Variants in PPP2R2B observed in about 807,000 individuals in gnomAD.
PPP2R2B encodes protein phosphatase 2 regulatory subunit Bbeta, also known as serine/threonine-protein phosphatase 2A 55 kDa regulatory subunit B beta isoform.
In PPP2R2B, 5 loss-of-function variants were observed where a neutral mutation model predicts 46.0. The observed-to-expected ratio is 0.11, with a 90% CI of 0.06 to 0.23. The LOEUF is 0.23. PPP2R2B is among the 10% of genes least tolerant of loss of function. PPP2R2B has a pLI of 1.00. For missense variants in PPP2R2B, 367 were observed against 575.0 expected, an observed-to-expected ratio of 0.64 and a Z score of 3.70; for synonymous variants, 215 against 206.7, an observed-to-expected ratio of 1.04 and a Z score of -0.34.
intron 1 of PPP2R2B, among the ~76,000 whole-genome samples, chr5:146,966,253 G>A (rs1052866443): frequency 2.0e-5 from 3 of 152,120 alleles, no homozygotes; most frequent in Non-Finnish European, 2.9e-5. Context: ...GGATGAATTG[G>A]TCACATGCAG....
intron 1 of PPP2R2B, among the ~76,000 whole-genome samples, chr5:147,048,589 T>A (rs1005997182): frequency 5.9e-5 from 9 of 152,152 alleles, no homozygotes. Context: ...GATGCCCCAT[T>A]CATTGAATAT....
intron 8 of PPP2R2B, among the ~76,000 whole-genome samples, chr5:146,598,228 T>C (rs1472453396): frequency 6.6e-6 from 1 of 152,208 alleles, no homozygotes; most frequent in Non-Finnish European, 1.5e-5. Flanking sequence ...TCCAAGTTCG[T>C]AGTCTTCTGT....
At chr5:146,632,358 G>A (rs2151071680) in intron 7 of PPP2R2B, among the ~76,000 whole-genome samples, 1 of 152,280 alleles carries the variant, frequency 6.6e-6, no homozygotes, top group Admixed American at 6.5e-5. Context: ...TTCATCTTGG[G>A]CTTCCAGCCT....
intron 2 of PPP2R2B, among the ~76,000 whole-genome samples, chr5:146,824,884 A>G (rs1758476588): frequency 6.6e-6 from 1 of 151,818 alleles, no homozygotes; most frequent in Non-Finnish European, 1.5e-5. Context: ...CACCTGGCTA[A>G]TTTTTTGTGT....
chr5:146,655,635 G>A (rs1204931558), intron 5 of PPP2R2B, among the ~76,000 whole-genome samples: 1 of 152,188 alleles, frequency 6.6e-6, no homozygotes. Flanking sequence ...GAGGCAGGGC[G>A]AGTACTCAGG....
At chr5:146,872,656 A>G (rs186301101) in intron 2 of PPP2R2B, among the ~76,000 whole-genome samples, 25 of 152,296 alleles carry the variant, frequency 1.6e-4, no homozygotes, top group African/African-American at 6.0e-4. Context: ...TGTATTTCAC[A>G]AATCACTCAG....
chr5:146,753,071 A>G (rs911550713), intron 2 of PPP2R2B, among the ~76,000 whole-genome samples: 1 of 152,208 alleles, frequency 6.6e-6, no homozygotes, highest in African/African-American at 2.4e-5. Context: ...TGGCAAAAGC[A>G]GAACTAGTAC....
intron 2 of PPP2R2B, among the ~76,000 whole-genome samples, chr5:146,758,209 G>A (rs1210063972): frequency 6.6e-6 from 1 of 152,128 alleles, no homozygotes; most frequent in Non-Finnish European, 1.5e-5. Context: ...ATTTACAAAT[G>A]ATAGATAACC....
upstream of PPP2R2B, among the ~76,000 whole-genome samples, chr5:147,058,249 A>G (rs991760537): frequency 6.6e-6 from 1 of 152,248 alleles, no homozygotes; most frequent in Non-Finnish European, 1.5e-5. Context: ...GGTCCTTTAC[A>G]GCACAAATGA....
intron 5 of PPP2R2B, among the ~76,000 whole-genome samples, chr5:146,652,605 A>T (rs981878367): frequency 2.6e-5 from 4 of 152,078 alleles, no homozygotes; most frequent in African/African-American, 9.7e-5. Context: ...CCAGGAGGGG[A>T]GTGAAAGGGA....
rs139267119 is a variant in PPP2R2B, at chr5:146,814,245, G to A, written c.70+63757C>T. Among the ~76,000 whole-genome samples, 66 of 148,514 alleles carry A rather than the reference G, an allele frequency of 4.4e-4. No homozygotes were observed. The East Asian group carries it at 0.011, about 24-fold the overall frequency. On this transcript the variant is annotated intron_variant, in intron 2 of 9. Coordinates refer to ENST00000394411, the MANE Select transcript of PPP2R2B (RefSeq NM_181675.4). ...ATGGTCTTTTTTTTTCTCTTTTTTG[G>A]GGAGACAATGTTAGTTTTCTAATTT...
At chr5:146,713,528 C>G (rs1020303229) in intron 2 of PPP2R2B, among the ~76,000 whole-genome samples, 1 of 152,112 alleles carries the variant, frequency 6.6e-6, no homozygotes, top group African/African-American at 2.4e-5. Context: ...CAAGTGACTG[C>G]TTTTACAAGA....
rs573845680 is a variant in PPP2R2B, at chr5:146,724,762, T to A, written c.71-23620A>T. Among the ~76,000 whole-genome samples the A allele has an allele frequency of 3.6e-3, 545 of 152,260 alleles. 2 individuals are homozygous for A. The highest frequency in any genetic ancestry group is 0.012 in the African/African-American group (514 of 41,560). On this transcript the variant is annotated intron_variant, in intron 2 of 9. Coordinates refer to ENST00000394411, the MANE Select transcript of PPP2R2B (RefSeq NM_181675.4). ...AAAAAATTCTGAAACCATAATCATCTCAAAATGGTATACAAAAGCAAGTCT... is the reference window on the plus strand; with the variant it reads ...AAAAAATTCTGAAACCATAATCATCACAAAATGGTATACAAAAGCAAGTCT...
chr5:146,991,650 T>G (rs1169312937), intron 1 of PPP2R2B, among the ~76,000 whole-genome samples: 1 of 151,982 alleles, frequency 6.6e-6, no homozygotes, highest in Non-Finnish European at 1.5e-5. Context: ...ACTCAATTAT[T>G]ATACCATATA....
At chr5:146,819,628 T>G (rs912101233) in intron 2 of PPP2R2B, among the ~76,000 whole-genome samples, 9 of 152,198 alleles carry the variant, frequency 5.9e-5, no homozygotes, top group African/African-American at 1.7e-4. Context: ...GCTTTCTATG[T>G]TTTTTTGTAT....
intron 6 of PPP2R2B, among the ~76,000 whole-genome samples, chr5:146,644,261 A>AAAAAAAG (rs1554118466): frequency 2.6e-5 from 2 of 76,102 alleles, no homozygotes; most frequent in African/African-American, 4.6e-5. Context: ...AAAAAAAAAA[A>AAAAAAAG]AAGAAGAAGA....
intron 2 of PPP2R2B, among the ~76,000 whole-genome samples, chr5:147,065,629 G>A (rs1469867379): frequency 6.6e-6 from 1 of 152,080 alleles, no homozygotes; most frequent in Admixed American, 6.6e-5. Flanking sequence ...CTAAGATAGT[G>A]GCAATGGGGT....
chr5:146,620,579 G>A (rs919373489), intron 7 of PPP2R2B, among the ~76,000 whole-genome samples: 2 of 152,140 alleles, frequency 1.3e-5, no homozygotes, highest in Non-Finnish European at 2.9e-5. Flanking sequence ...GTTGGTGAGT[G>A]GCAAAAGTGT....
At chr5:146,891,101 T>C (rs1031173902) in intron 1 of PPP2R2B, among the ~76,000 whole-genome samples, 1 of 152,228 alleles carries the variant, frequency 6.6e-6, no homozygotes, top group Non-Finnish European at 1.5e-5. Flanking sequence ...ATACAGCACT[T>C]AACTGGTAAT....
Sources: gnomAD v4.1 joint callset for allele counts (sites outside exome capture counted in the v4.1 genomes callset) on GRCh38, gnomAD v4.1.1 for gene constraint, MANE v1.5 for transcripts, NCBI Gene and HGNC (gene_info 2026-07-23, HGNC 2026-07-21) for gene names.